MACF1: variants seen among roughly 807,000 people sequenced by gnomAD.
MACF1 encodes the protein microtubule actin crosslinking factor 1.
Under a neutral mutation model 854.8 loss-of-function variants are expected in MACF1, and 193 were observed. That is an observed-to-expected ratio of 0.23 (90% CI 0.20 to 0.25). The LOEUF (loss-of-function observed/expected upper bound fraction) is 0.25. Among genes scored for constraint, MACF1 ranks in the 10% least tolerant of loss-of-function variants. The pLI, the probability that MACF1 is intolerant of heterozygous loss-of-function variation, is 1.00. For missense variants in MACF1, 7,722 were observed against 8,929.1 expected (o/e 0.86, Z 5.45); for synonymous variants, 3,185 against 3,226.7 (o/e 0.99, Z 0.44).
At chr1:39,120,276 C>T (rs1437002204) in intron 2 of MACF1, among the ~76,000 whole-genome samples, 1 of 151,970 alleles carries the variant, frequency 6.6e-6, no homozygotes, top group East Asian at 1.9e-4. Flanking sequence ...ATTCACTTTC[C>T]CCTTTGGAAT....
chr1:39,360,956 A>T lies in MACF1; in HGVS notation c.12408A>T (p.Ser4136=). 6.2e-7 allele frequency: 1 copy of T among 1,614,150 alleles called. No individual in the cohort carries two copies. The highest frequency in any genetic ancestry group is 8.5e-7 in the Non-Finnish European group (1 of 1,180,022). The stretch of plus-strand genomic sequence containing the variant: ...AAAACCTGGAAGGGAAGCAGGTGTC[A>T]TCACTCTCATCAGGAGTCATCCAGG... The part of the protein sequence containing the change: ...VEQNLEGKQV[S]SLSSGVIQEA... The change falls in exon 48 of 101, where the codon TCA becomes TCT. Residue 4136 remains serine, a synonymous_variant. Coordinates refer to ENST00000564288, the MANE Select transcript of MACF1 (RefSeq NM_001394062.1).
Position 39,205,137 on chromosome 1 carries a change from T to C in MACF1, c.109+6T>C. ...GCATGCCAGAGGTAGAGCAGGTAACTAACTGGTACCCAGTTATTCTTTAAA... is the reference window on the plus strand; with the variant it reads ...GCATGCCAGAGGTAGAGCAGGTAACCAACTGGTACCCAGTTATTCTTTAAA... On this transcript the variant is annotated splice_donor_region_variant and intron_variant, in intron 1 of 100. Coordinates refer to ENST00000564288, the MANE Select transcript of MACF1 (RefSeq NM_001394062.1). 1 of 703,014 alleles carries C rather than the reference T, an allele frequency of 1.4e-6. No homozygotes were observed. Among genetic ancestry groups the C allele is most frequent in the Non-Finnish European group, 2.6e-6 (1 of 384,986 alleles). 43.5% of individuals were successfully genotyped at this position (703,014 alleles called of 1,614,324 possible). A position where few individuals can be genotyped will look rare whatever the true frequency, so the allele number is the denominator to read the frequency against.
rs931862657 is a variant in MACF1 at position 39,100,903 on chromosome 1, AATGC to A, written c.220+16467_220+16470del. ...ATTAAATAAAGTAAACAAATATACA[AATGC>A]ACGCGCGCGTGTGTGTGTGTGTGTA... On this transcript the variant is annotated intron_variant, in intron 2 of 93. Transcript: ENST00000361689. Among the ~76,000 whole-genome samples the A allele has an allele frequency of 8.7e-4, 124 of 143,248 alleles. 1 individual carries two copies. The highest frequency in any genetic ancestry group is 1.0e-3 in the Non-Finnish European group (65 of 64,078). 94.0% of individuals were successfully genotyped at this position (143,248 alleles called of 152,430 possible). A position where few individuals can be genotyped will look rare whatever the true frequency, so the allele number is the denominator to read the frequency against.
intron 2 of MACF1, among the ~76,000 whole-genome samples, chr1:39,138,920 C>T (rs1297020234): frequency 6.6e-6 from 1 of 152,134 alleles, no homozygotes; most frequent in African/African-American, 2.4e-5. Flanking sequence ...CCACCTTGGC[C>T]TCCCAAAGTG....
chr1:39,131,812 T>C (rs558880818), intron 2 of MACF1, among the ~76,000 whole-genome samples: 27 of 152,318 alleles, frequency 1.8e-4, no homozygotes, highest in Non-Finnish European at 3.4e-4. Context: ...TGTTTGTTTA[T>C]TTATTTGTTT....
chr1:39,452,894 C>A, intron 87 of MACF1, 82 bp downstream of exon 87: 1 of 1,505,476 alleles, frequency 6.6e-7, no homozygotes, highest in Non-Finnish European at 9.0e-7. Context: ...GCAACTTTTT[C>A]TTGGAAATAT....
In MACF1 at chr1:39,346,965, C is replaced by T. The variant is rs1330364660; in HGVS notation, c.10582-12C>T. On this transcript the variant is annotated splice_polypyrimidine_tract_variant and intron_variant, in intron 40 of 100. Coordinates refer to ENST00000564288, the MANE Select transcript of MACF1 (RefSeq NM_001394062.1). ...TTTTTTGTGTTTTGTTTCCTTTTTC[C>T]ATTTACCTTAGGATTTGAAACAGCC... 1.3e-6 allele frequency: 2 copies of T among 1,572,910 alleles called. No homozygotes were observed. The highest frequency in any genetic ancestry group is 1.7e-6 in the Non-Finnish European group (2 of 1,154,518).
chr1:39,119,913 T>C (rs957584482), intron 2 of MACF1, among the ~76,000 whole-genome samples: 1 of 148,112 alleles, frequency 6.8e-6, no homozygotes, highest in Admixed American at 6.9e-5. Flanking sequence ...AGAGTTTTGC[T>C]CTTGTTGCCC....
rs117070603 is a variant in MACF1 at position 39,294,447 on chromosome 1, C to T, written c.2155-599C>T. 3.9e-5 allele frequency among the ~76,000 whole-genome samples: 6 copies of T among 152,218 alleles called. No individual in the cohort carries two copies. The East Asian group carries it at 1.2e-3, about 29-fold the overall frequency. ...TAGGGTTCTTAAAAAATATAGGCTTCTTCTGATTGGAGAATGGCATATGAT... is the reference window on the plus strand; with the variant it reads ...TAGGGTTCTTAAAAAATATAGGCTTTTTCTGATTGGAGAATGGCATATGAT... On this transcript the variant is annotated intron_variant, in intron 18 of 100. Coordinates refer to ENST00000564288, the MANE Select transcript of MACF1 (RefSeq NM_001394062.1).
chr1:39,406,125 T>C (rs1440013136), intron 58 of MACF1, among the ~76,000 whole-genome samples: 3 of 152,266 alleles, frequency 2.0e-5, no homozygotes, highest in Non-Finnish European at 4.4e-5. Context: ...GGCTTTGGGT[T>C]CTGGGGTTTT....
chr1:39,360,048 T>C (rs1157622304), intron 47 of MACF1, among the ~76,000 whole-genome samples: 1,047 of 61,484 alleles, frequency 0.017, 79 homozygotes, highest in African/African-American at 0.066. Context: ...TATATATATA[T>C]ATATACACAC....
chr1:39,429,481 T>G (rs1643830887), intron 64 of MACF1, among the ~76,000 whole-genome samples, 155 bp downstream of exon 64: 1 of 152,162 alleles, frequency 6.6e-6, no homozygotes, highest in African/African-American at 2.4e-5. Flanking sequence ...AGAAGGTTGT[T>G]TCCTGCTAAA....
In MACF1 at chr1:39,084,325, C is replaced by G. The variant is rs1361767880; in HGVS notation, c.107C>G (p.Pro36Arg). Residue 36 changes from proline (P) to arginine (R), a missense_variant, in exon 2 of 94, where the codon CCC becomes CGC. By Grantham distance (103) the Pro-to-Arg change is moderately radical (BLOSUM62 -2). Coordinates refer to the MACF1 transcript ENST00000361689. This position sits in a 1 kb window ranked among gnomAD's most constrained non-coding sequence, Gnocchi z 5.2. ...AGCGAGCGGTCGGGGAGCCTGTCTCCCTGTCCCCCAGGGGACACCTTGCCC... is the reference window on the plus strand; with the variant it reads ...AGCGAGCGGTCGGGGAGCCTGTCTCGCTGTCCCCCAGGGGACACCTTGCCC... The G allele has an allele frequency of 6.2e-7, 1 of 1,613,852 alleles. No homozygotes were observed. The highest frequency in any genetic ancestry group is 8.5e-7 in the Non-Finnish European group (1 of 1,180,004).
chr1:39,250,559 C>T (rs1295041849), intron 3 of MACF1, among the ~76,000 whole-genome samples: 9 of 152,066 alleles, frequency 5.9e-5, no homozygotes, highest in Non-Finnish European at 1.0e-4. Flanking sequence ...CATTTAAAAG[C>T]CCAGGTGTAT....
Position 39,264,251 on chromosome 1 carries a change from C to G in MACF1, c.528+6223C>G, listed in dbSNP as rs187526672. The stretch of plus-strand genomic sequence containing the variant: ...GAGGGTTTTGGGATTGATACCTGGA[C>G]TGGAATTGCTGGGTTATATACTTTC... On this transcript the variant is annotated intron_variant, in intron 6 of 100. Transcript: ENST00000564288. 2.6e-5 allele frequency among the ~76,000 whole-genome samples: 4 copies of G among 152,258 alleles called. No individual in the cohort carries two copies. In the East Asian group the frequency reaches 7.7e-4, roughly 29 times the overall value.
At position 39,283,738 on chromosome 1, in the gene MACF1, G is replaced by T. The variant is rs145978080; in HGVS notation, c.915+223G>T. Among the ~76,000 whole-genome samples, 3 of 152,272 alleles carry T rather than the reference G, an allele frequency of 2.0e-5. No homozygotes were observed. Among genetic ancestry groups the T allele is most frequent in the East Asian group, 3.9e-4 (2 of 5,184 alleles). On this transcript the variant is annotated intron_variant, in intron 9 of 100. Transcript: ENST00000564288. The surrounding 1 kb of genome is among the most constrained non-coding windows in gnomAD (Gnocchi z 4.5). ...CTATTTGGTGCTAAATGCCAGCAAA[G>T]AATGTCTCTTTCATCCCCAGCTGTA...
intron 1 of MACF1, among the ~76,000 whole-genome samples, chr1:39,220,736 C>T (rs535176453): frequency 3.9e-5 from 6 of 152,150 alleles, no homozygotes; most frequent in Non-Finnish European, 5.9e-5. Context: ...CCACCCACCT[C>T]GGCCTCCCAA....
chr1:39,218,131 C>T (rs1460875445), intron 1 of MACF1, among the ~76,000 whole-genome samples: 2 of 133,296 alleles, frequency 1.5e-5, no homozygotes, highest in African/African-American at 5.6e-5. Flanking sequence ...TGCAGTGAGC[C>T]GAGATCACAC....
Position 39,437,938 on chromosome 1 carries a change from G to A in MACF1, c.18150G>A (p.Glu6050=), listed in dbSNP as rs920309180. Residue 6050 remains glutamate (E), a synonymous_variant, in exon 71 of 101, where the codon GAG becomes GAA. Coordinates refer to ENST00000564288, the MANE Select transcript of MACF1 (RefSeq NM_001394062.1). ...VELEKLQPSF[E]ALKRRGEELI... ...TAGAAAAACTGCAGCCATCCTTTGA[G>A]GCCTTGAAGCGCCGTGGAGAGGAGC... The A allele has an allele frequency of 1.2e-5, 20 of 1,614,102 alleles. No homozygotes were observed. Among genetic ancestry groups the A allele is most frequent in the Non-Finnish European group, 1.7e-5 (20 of 1,180,030 alleles).
Sources: allele counts gnomAD v4.1 joint callset (sites outside exome capture counted in the v4.1 genomes callset), GRCh38; gene constraint gnomAD v4.1.1; non-coding constraint Gnocchi (gnomAD v3.1); transcripts MANE v1.5; gene names NCBI Gene and HGNC (gene_info 2026-07-23, HGNC 2026-07-21).